CEP164: variants seen among roughly 807,000 people sequenced by gnomAD.
CEP164 encodes the protein centrosomal protein 164, also known as centrosomal protein of 164 kDa.
A neutral mutation model predicts 182.7 loss-of-function variants in CEP164; 162 were observed. That is an observed-to-expected ratio of 0.89 (90% CI 0.78 to 1.01). The LOEUF (loss-of-function observed/expected upper bound fraction) is 1.01, where lower values mean the gene tolerates loss of function less well. Ranked by LOEUF, CEP164 falls within the 50% of genes least tolerant of loss-of-function variation. The pLI is 0.00. For missense variants in CEP164, 1,735 were observed against 1,790.4 expected (o/e 0.97, Z 0.56); for synonymous variants, 661 against 690.0 (o/e 0.96, Z 0.66).
rs17120650 is a variant in CEP164, at chr11:117,362,332, G to A, written c.553-72G>A. ...TGGGAGACATTGACATAGAGAGTGG[G>A]GAGGAGCATTCTAAAGGTCATTCCA... On this transcript the variant is annotated intron_variant, in intron 6 of 32. Transcript: ENST00000278935. 2,045 of 1,499,656 alleles carry A rather than the reference G, an allele frequency of 1.4e-3. 40 individuals carry two copies. In the African/African-American group the frequency reaches 0.025, roughly 19 times the overall value. The allele number at this position is 1,499,656 out of a possible 1,614,324, so 92.9% of individuals were successfully genotyped here.
intron 4 of CEP164, among the ~76,000 whole-genome samples, 182 bp downstream of exon 4, chr11:117,344,459 G>C (rs1367089526): frequency 6.6e-6 from 1 of 152,168 alleles, no homozygotes; most frequent in Non-Finnish European, 1.5e-5. Context: ...CTGACTGAAT[G>C]GTCCCTGGTC....
At chr11:117,334,183 G>A (rs1011707935) in intron 1 of CEP164, among the ~76,000 whole-genome samples, 6 of 152,132 alleles carry the variant, frequency 3.9e-5, no homozygotes, top group African/African-American at 1.4e-4. Flanking sequence ...TGCATCTCTA[G>A]CGCCTAGAAA....
chr11:117,398,789 C>A (rs1484250079), intron 27 of CEP164, among the ~76,000 whole-genome samples: 1 of 152,146 alleles, frequency 6.6e-6, no homozygotes, highest in Non-Finnish European at 1.5e-5. Flanking sequence ...AGCATGGGGA[C>A]CCTGGGCCTG....
At chr11:117,330,611 T>G (rs976494117) in intron 1 of CEP164, among the ~76,000 whole-genome samples, 3 of 152,050 alleles carry the variant, frequency 2.0e-5, no homozygotes, top group Non-Finnish European at 4.4e-5. Context: ...ATCGTGCCAT[T>G]GCACCCCAGC....
intron 27 of CEP164, among the ~76,000 whole-genome samples, chr11:117,398,601 G>A (rs746268802): frequency 2.6e-5 from 4 of 152,204 alleles, no homozygotes; most frequent in East Asian, 1.9e-4. Context: ...AAATCTAGGC[G>A]GAGGTTCCCA....
In CEP164 at chr11:117,351,940, A is replaced by G. The variant is rs755368978; in HGVS notation, c.345A>G (p.Lys115=). Residue 115 remains lysine, a synonymous_variant, in exon 5 of 33, where the codon AAA becomes AAG. Coordinates refer to ENST00000278935, the MANE Select transcript of CEP164 (RefSeq NM_014956.5). ...TSGAIKKKKK[K]KEKKDKKDRD... The stretch of plus-strand genomic sequence containing the variant: ...GGGCCATTAAGAAGAAGAAAAAAAA[A>G]AAGGAAAAGAAAGACAAGAAGGACA... 2 of 1,612,290 alleles carry G rather than the reference A, an allele frequency of 1.2e-6. No homozygotes were observed. Among genetic ancestry groups the G allele is most frequent in the Non-Finnish European group, 1.7e-6 (2 of 1,179,194 alleles).
intron 7 of CEP164, among the ~76,000 whole-genome samples, chr11:117,362,793 T>C (rs2041145444): frequency 6.6e-6 from 1 of 152,144 alleles, no homozygotes; most frequent in African/African-American, 2.4e-5. Flanking sequence ...AAATAGAAAC[T>C]GTGTACCTAT....
At chr11:117,407,805 C>T in intron 27 of CEP164, 120 bp from the exon 28 acceptor site, 2 of 637,046 alleles carry the variant, frequency 3.1e-6, no homozygotes, top group Non-Finnish European at 5.6e-6. Flanking sequence ...GTTCTCTGTT[C>T]CAGATGAGAA....
chr11:117,412,042 G>A (rs1384215122), intron 32 of CEP164, 30 bp from the exon 33 acceptor site: 7 of 1,613,020 alleles, frequency 4.3e-6, no homozygotes, highest in African/African-American at 1.3e-5. Flanking sequence ...TATGCCCAGC[G>A]ACTGCAGTTT....
chr11:117,395,174 G>C lies in CEP164; in HGVS notation c.2896G>C (p.Val966Leu). The C allele has an allele frequency of 1.2e-6, 2 of 1,613,964 alleles. No individual in the cohort carries two copies. Residue 966 changes from valine (V) to leucine (L), a missense_variant, in exon 23 of 33, where the codon GTT (valine) becomes CTT (leucine). Transcript: ENST00000278935. ...KQQLLDVQRQVALKSEEATAT... is the reference protein window; with the variant it reads ...KQQLLDVQRQLALKSEEATAT... ...GCAGCTGCTTGATGTGCAGAGGCAG[G>C]TTGCTCTGAAGAGTGAGGTTTGTCT...
chr11:117,325,567 G>A (rs1050297306), upstream of CEP164, among the ~76,000 whole-genome samples: 11 of 151,850 alleles, frequency 7.2e-5, no homozygotes, highest in Admixed American at 2.6e-4. Flanking sequence ...TGTATTTTTA[G>A]TGGAGATGGG....
At chr11:117,406,959 TG>T (rs1240996862) in intron 27 of CEP164, among the ~76,000 whole-genome samples, 1 of 152,080 alleles carries the variant, frequency 6.6e-6, no homozygotes, top group Admixed American at 6.6e-5. Flanking sequence ...CTGGGTGTGG[TG>T]GTGCACGCCT....
intron 18 of CEP164, 70 bp from the exon 19 acceptor site, chr11:117,392,426 C>A: frequency 6.3e-7 from 1 of 1,577,802 alleles, no homozygotes. Context: ...CCTCAGAACA[C>A]ATCCCCACAC....
chr11:117,332,467 T>A (rs575532575), intron 1 of CEP164, among the ~76,000 whole-genome samples: 1 of 151,946 alleles, frequency 6.6e-6, no homozygotes, highest in Non-Finnish European at 1.5e-5. Context: ...TCCCAGCTAC[T>A]CAGGAGGCTG....
intron 8 of CEP164, among the ~76,000 whole-genome samples, chr11:117,367,339 A>G (rs1330123535): frequency 1.3e-5 from 2 of 152,272 alleles, no homozygotes; most frequent in African/African-American, 4.8e-5. Context: ...AACATGGTGC[A>G]GAGAATGCAA....
At chr11:117,336,319 G>T in intron 2 of CEP164, 2 of 1,488,562 alleles carry the variant, frequency 1.3e-6, no homozygotes, top group South Asian at 1.1e-5. Context: ...CTTCTTGTCC[G>T]CTGTCACTGC....
At chr11:117,328,894 TC>T (rs751119733) in intron 1 of CEP164, among the ~76,000 whole-genome samples, 6 of 152,188 alleles carry the variant, frequency 3.9e-5, no homozygotes, top group Non-Finnish European at 8.8e-5. Flanking sequence ...TGCTCTGATT[TC>T]CCTCCTCTCT....
intron 2 of CEP164, chr11:117,336,572 G>A (rs2037154711): frequency 2.0e-6 from 3 of 1,523,084 alleles, no homozygotes; most frequent in Non-Finnish European, 2.7e-6. Flanking sequence ...GAACCTCCAG[G>A]GCACCCAGTG....
intron 8 of CEP164, among the ~76,000 whole-genome samples, chr11:117,365,591 T>C (rs1016243464): frequency 2.8e-5 from 4 of 144,506 alleles, no homozygotes; most frequent in East Asian, 2.0e-4. Flanking sequence ...TTCTTTCTTT[T>C]TTTTAGATGA....
Sources: gnomAD v4.1 joint callset for allele counts (sites outside exome capture counted in the v4.1 genomes callset) on GRCh38, gnomAD v4.1.1 for gene constraint, MANE v1.5 for transcripts, NCBI Gene and HGNC (gene_info 2026-07-23, HGNC 2026-07-21) for gene names.